The following ADGRB3 variants were observed in gnomAD, a reference collection of about 807,000 sequenced individuals.
ADGRB3 encodes brain-specific angiogenesis inhibitor 3.
A neutral mutation model predicts 193.4 loss-of-function variants in ADGRB3; 37 were observed. That is an observed-to-expected ratio of 0.19 (90% CI 0.15 to 0.25). The LOEUF (loss-of-function observed/expected upper bound fraction) is 0.25. Ranked by LOEUF, ADGRB3 falls within the 10% of genes least tolerant of loss-of-function variation. The pLI is 1.00. For synonymous variants in ADGRB3, 690 were observed against 644.2 expected, an observed-to-expected ratio of 1.07 and a Z score of -1.08; for missense variants, 1,637 against 1,852.9, an observed-to-expected ratio of 0.88 and a Z score of 2.14.
At chr6:68,955,265 G>A (rs1768040164) in intron 6 of ADGRB3, among the ~76,000 whole-genome samples, 1 of 152,166 alleles carries the variant, frequency 6.6e-6, no homozygotes, top group Admixed American at 6.5e-5. Flanking sequence ...ACCTTCCAAA[G>A]TCTTATCTCA....
chr6:68,854,450 A>G (rs1362342218), intron 3 of ADGRB3, among the ~76,000 whole-genome samples: 2 of 152,230 alleles, frequency 1.3e-5, no homozygotes, highest in African/African-American at 4.8e-5. Context: ...AGATTTAACC[A>G]TTCTACAATG....
intron 20 of ADGRB3, among the ~76,000 whole-genome samples, chr6:69,279,452 CTGTG>C (rs56686568): frequency 3.4e-5 from 5 of 147,934 alleles, no homozygotes; most frequent in Admixed American, 6.7e-5. Flanking sequence ...GTCAAGAATG[CTGTG>C]TGTGTGTGTG....
chr6:69,339,249 A>T lies in ADGRB3; in HGVS notation c.3288-84A>T, dbSNP rs932481080. 7 of 1,499,216 alleles carry T rather than the reference A, an allele frequency of 4.7e-6. No individual in the cohort carries two copies. In the African/African-American group the frequency reaches 9.8e-5, roughly 21 times the overall value. 92.9% of individuals were successfully genotyped at this position (1,499,216 alleles called of 1,614,324 possible). A position where few individuals can be genotyped will look rare whatever the true frequency, so the allele number is the denominator to read the frequency against. On this transcript the variant is annotated intron_variant, in intron 25 of 31. Coordinates refer to ENST00000370598, the MANE Select transcript of ADGRB3 (RefSeq NM_001704.3). ...AGTTAATGGTCTTGGAACCACATACAAAAATGCTTTGTTGAATGGGGGTTT... is the reference window on the plus strand; with the variant it reads ...AGTTAATGGTCTTGGAACCACATACTAAAATGCTTTGTTGAATGGGGGTTT...
At chr6:68,804,816 A>G (rs1767373325) in intron 3 of ADGRB3, among the ~76,000 whole-genome samples, 3 of 152,162 alleles carry the variant, frequency 2.0e-5, no homozygotes, top group Admixed American at 6.5e-5. Flanking sequence ...TTTATTTTAT[A>G]TATCAGATCA....
At chr6:68,772,908 TATATATATATATATATATATATATAC>T (rs1562023438) in intron 3 of ADGRB3, among the ~76,000 whole-genome samples, 6 of 43,728 alleles carry the variant, frequency 1.4e-4, no homozygotes, top group African/African-American at 9.4e-4. Context: ...TATATATATA[TATATATATATATATATATATATATAC>T]ATACACACAC....
At chr6:69,187,672 T>A (rs1765099369) in intron 17 of ADGRB3, among the ~76,000 whole-genome samples, 1 of 152,218 alleles carries the variant, frequency 6.6e-6, no homozygotes. Flanking sequence ...CAATTACTTC[T>A]GTTTCAACAC....
At chr6:69,100,852 G>GGAAA (rs1562159373) in intron 17 of ADGRB3, among the ~76,000 whole-genome samples, 4 of 15,826 alleles carry the variant, frequency 2.5e-4, no homozygotes, top group Non-Finnish European at 6.2e-4. Flanking sequence ...GAGGGAGGGA[G>GGAAA]GGAAGGAAGG....
At position 68,936,667 on chromosome 6, in the gene ADGRB3, T is replaced by C; in HGVS notation, c.1017T>C (p.Thr339=). ...GAGAATCAAGGGTTTGCAATAACAC[T>C]GCCCTCTGTCCAGGTAGTGTTAGCA... ...PLRESRVCNN[T]ALCPVHGVWE... is the part of the protein sequence containing the mutation. The change falls in exon 5 of 32, where the codon ACT becomes ACC. Residue 339 remains threonine (T), a synonymous_variant. Transcript: ENST00000370598. 3 of 1,613,142 alleles carry C rather than the reference T, an allele frequency of 1.9e-6. No homozygotes were observed. The highest frequency in any genetic ancestry group is 2.5e-6 in the Non-Finnish European group (3 of 1,179,680).
chr6:69,117,540 G>C (rs952362670), intron 17 of ADGRB3, among the ~76,000 whole-genome samples: 1 of 152,124 alleles, frequency 6.6e-6, no homozygotes. Context: ...CCATATTATA[G>C]TAAGCCAAAT....
intron 20 of ADGRB3, among the ~76,000 whole-genome samples, chr6:69,249,267 C>T (rs565110808): frequency 3.3e-5 from 5 of 152,246 alleles, no homozygotes; most frequent in East Asian, 1.9e-4. Flanking sequence ...TGAGCCACGG[C>T]GCCCAGCTGA....
In ADGRB3 at chr6:68,930,734, A is replaced by G. The variant is rs1767314892; in HGVS notation, c.868+65A>G. On this transcript the variant is annotated intron_variant, in intron 4 of 31. Transcript: ENST00000370598. ...TTTAATGAAACCACTGCATGTTTTC[A>G]TAATCTTTTGCTGCACATTTGTCAG... The G allele has an allele frequency of 5.7e-6, 7 of 1,238,556 alleles. No homozygotes were observed. In the Middle Eastern group the frequency reaches 9.7e-4, roughly 171 times the overall value. 76.7% of individuals were successfully genotyped at this position (1,238,556 alleles called of 1,614,324 possible).
chr6:69,003,459 A>G (rs1188638447), intron 11 of ADGRB3, among the ~76,000 whole-genome samples: 3 of 152,196 alleles, frequency 2.0e-5, no homozygotes, highest in African/African-American at 7.2e-5. Flanking sequence ...GTAGTTAGAG[A>G]GCAAGGGGAT....
rs542726395 is a variant in ADGRB3, at chr6:68,866,126, C to T, written c.758-64433C>T. On this transcript the variant is annotated intron_variant, in intron 3 of 31. Transcript: ENST00000370598. ...TGTCAGAATTTGGCACTAAGTCCCA[C>T]TCAGCAAGTCACATGGTTTGGCTCT... 6.6e-4 allele frequency among the ~76,000 whole-genome samples: 101 copies of T among 152,152 alleles called. 1 individual carries two copies. The Middle Eastern group carries it at 0.017, about 26-fold the overall frequency.
At chr6:69,258,738 A>C (rs1766836201) in intron 20 of ADGRB3, among the ~76,000 whole-genome samples, 1 of 152,236 alleles carries the variant, frequency 6.6e-6, no homozygotes, top group Non-Finnish European at 1.5e-5. Context: ...AGTGGTTCCC[A>C]ACAAGAGTAA....
chr6:69,220,513 T>C (rs1765870123), intron 17 of ADGRB3, among the ~76,000 whole-genome samples: 1 of 152,118 alleles, frequency 6.6e-6, no homozygotes, highest in Non-Finnish European at 1.5e-5. Context: ...ACAAGTGAAC[T>C]TTCCTAACAA....
At chr6:69,323,508 G>A (rs1343023906) in intron 20 of ADGRB3, among the ~76,000 whole-genome samples, 1 of 152,032 alleles carries the variant, frequency 6.6e-6, no homozygotes, top group African/African-American at 2.4e-5. Context: ...AGTATTCCAT[G>A]ATTTTATCAT....
Position 69,171,126 on chromosome 6 carries a change from ATACT to A in ADGRB3, c.2481-62160_2481-62157del, listed in dbSNP as rs1296621254. On this transcript the variant is annotated intron_variant, in intron 17 of 31. Transcript: ENST00000370598. ...AATCAGTGTAAAATTTATTAAGAAG[ATACT>A]TACATTCTCTTTTTCATAATGTCTT... Among the ~76,000 whole-genome samples the A allele has an allele frequency of 3.0e-5, 4 of 135,132 alleles. No homozygotes were observed. In the East Asian group the frequency reaches 1.1e-3, roughly 38 times the overall value. 88.7% of individuals were successfully genotyped at this position (135,132 alleles called of 152,430 possible).
chr6:68,664,083 T>C (rs990546908), intron 3 of ADGRB3, among the ~76,000 whole-genome samples: 1 of 151,846 alleles, frequency 6.6e-6, no homozygotes, highest in Non-Finnish European at 1.5e-5. Flanking sequence ...TTGTCGTTTT[T>C]AAAATGATAA....
At chr6:69,333,101 G>A in intron 24 of ADGRB3, 93 bp downstream of exon 24, 1 of 1,285,610 alleles carries the variant, frequency 7.8e-7, no homozygotes, top group Non-Finnish European at 1.1e-6. Flanking sequence ...ACTCTGCCTT[G>A]AATTTTGTTA....
Sources: gnomAD v4.1 joint callset for allele counts (sites outside exome capture counted in the v4.1 genomes callset) on GRCh38, gnomAD v4.1.1 for gene constraint, MANE v1.5 for transcripts, NCBI Gene and HGNC (gene_info 2026-07-23, HGNC 2026-07-21) for gene names.